HTR2C: variants seen among roughly 807,000 people sequenced by gnomAD.
The protein encoded by HTR2C is 5-hydroxytryptamine (serotonin) receptor 2C, G protein-coupled.
A neutral mutation model predicts 21.0 loss-of-function variants in HTR2C; 5 were observed. That is an observed-to-expected ratio of 0.24 (90% CI 0.12 to 0.50). The LOEUF (loss-of-function observed/expected upper bound fraction) is 0.50, where lower values mean the gene tolerates loss of function less well. Ranked by LOEUF, HTR2C falls within the 20% of genes least tolerant of loss-of-function variation. The probability of loss-of-function intolerance (pLI) is 0.98; values close to 1 mark genes in which losing one functional copy is unlikely to be tolerated. For missense variants in HTR2C, 271 were observed against 371.2 expected (o/e 0.73, Z 2.22); for synonymous variants, 150 against 145.3 (o/e 1.03, Z -0.23).
Position 114,907,446 on chromosome X carries a change from C to A in HTR2C, c.*31C>A. On this transcript the variant is annotated 3_prime_UTR_variant, in exon 6 of 6. Coordinates refer to ENST00000276198, the MANE Select transcript of HTR2C (RefSeq NM_000868.4). ...AACAGCACAGTCTTTTCCTACGGTA[C>A]AAGCTACATATGTAGGAAAATTTTC... 1.9e-6 allele frequency: 2 copies of A among 1,051,226 alleles called. No homozygotes were observed. The highest frequency in any genetic ancestry group is 2.6e-6 in the Non-Finnish European group (2 of 759,366). The allele number at this position is 1,051,226 out of a possible 1,213,427, so 86.6% of individuals were successfully genotyped here.
intron 4 of HTR2C, among the ~76,000 whole-genome samples, chrX:114,832,874 A>G (rs2070742660): frequency 3.7e-5 from 1 of 26,728 alleles, no homozygotes; most frequent in Non-Finnish European, 9.1e-5. Context: ...AATACGTCCC[A>G]TCAATACCTA....
intron 4 of HTR2C, among the ~76,000 whole-genome samples, chrX:114,802,490 A>T (rs781924717): frequency 2.7e-5 from 3 of 111,088 alleles, no homozygotes; most frequent in Non-Finnish European, 5.7e-5. Flanking sequence ...AGAGTTTTAC[A>T]ATTTTTTCTC....
At chrX:114,794,036 A>G (rs1556444411) in intron 4 of HTR2C, among the ~76,000 whole-genome samples, 1 of 111,544 alleles carries the variant, frequency 9.0e-6, no homozygotes, top group East Asian at 2.8e-4. Context: ...TCACTTGATC[A>G]TGATCAGTGA....
At chrX:114,727,679 T>G (rs2069496589) in intron 3 of HTR2C, among the ~76,000 whole-genome samples, 1 of 112,004 alleles carries the variant, frequency 8.9e-6, no homozygotes, top group South Asian at 3.7e-4. Flanking sequence ...CCAAATCTCC[T>G]TGCTCCTAGG....
At chrX:114,690,131 C>A (rs1932062914) in intron 2 of HTR2C, among the ~76,000 whole-genome samples, 1 of 111,374 alleles carries the variant, frequency 9.0e-6, no homozygotes, top group South Asian at 3.7e-4. Context: ...TTTTGGTCAA[C>A]ACATCTGAGC....
At chrX:114,723,718 T>G (rs193083781) in intron 2 of HTR2C, among the ~76,000 whole-genome samples, 151 of 111,122 alleles carry the variant, frequency 1.4e-3, no homozygotes, top group African/African-American at 4.7e-3. Context: ...ATGTTGTGTC[T>G]TTGCTCTCAT....
chrX:114,747,874 C>A (rs1423144573), intron 4 of HTR2C, among the ~76,000 whole-genome samples: 2 of 112,024 alleles, frequency 1.8e-5, no homozygotes, highest in African/African-American at 3.2e-5. Flanking sequence ...TCCAGATGAG[C>A]CTTAAGGTGG....
chrX:114,624,672 CA>C (rs782545582), intron 2 of HTR2C, among the ~76,000 whole-genome samples: 1 of 110,283 alleles, frequency 9.1e-6, no homozygotes, highest in African/African-American at 3.3e-5. Context: ...CCTCTGATTC[CA>C]AAAGGAAAAA....
intron 5 of HTR2C, among the ~76,000 whole-genome samples, chrX:114,869,983 G>A (rs1602897742): frequency 1.8e-5 from 2 of 111,798 alleles, no homozygotes; most frequent in East Asian, 2.8e-4. Flanking sequence ...TGCATATGTT[G>A]AACCATCCTT....
At chrX:114,588,483 G>A (rs781786202) in intron 1 of HTR2C, among the ~76,000 whole-genome samples, 6 of 111,780 alleles carry the variant, frequency 5.4e-5, no homozygotes, top group South Asian at 3.8e-4. Context: ...TTGAATTAGC[G>A]TTAATGGCAA....
intron 2 of HTR2C, among the ~76,000 whole-genome samples, chrX:114,699,707 G>C (rs1932398606): frequency 8.9e-6 from 1 of 111,959 alleles, no homozygotes; most frequent in Non-Finnish European, 1.9e-5. Context: ...CACTTCAATG[G>C]AAAGCAACCA....
intron 4 of HTR2C, among the ~76,000 whole-genome samples, chrX:114,739,225 A>C (rs782528850): frequency 2.7e-3 from 297 of 111,439 alleles, no homozygotes; most frequent in Non-Finnish European, 3.5e-3. Context: ...TTGTCCTAAG[A>C]TCAGGAAAAA....
chrX:114,591,989 C>G (rs1223257621), intron 1 of HTR2C, among the ~76,000 whole-genome samples: 2 of 111,792 alleles, frequency 1.8e-5, no homozygotes, highest in Non-Finnish European at 3.8e-5. Flanking sequence ...TAACTCAGGC[C>G]TCAGTTTCCA....
At chrX:114,681,469 G>A (rs1219143885) in intron 2 of HTR2C, among the ~76,000 whole-genome samples, 2 of 110,524 alleles carry the variant, frequency 1.8e-5, no homozygotes, top group Non-Finnish European at 3.8e-5. Flanking sequence ...TCAAGAGAAC[G>A]ACTTATCCTA....
intron 4 of HTR2C, among the ~76,000 whole-genome samples, chrX:114,809,308 C>G (rs1384116256): frequency 9.1e-6 from 1 of 110,360 alleles, no homozygotes; most frequent in Non-Finnish European, 1.9e-5. Context: ...TACTGCCTGG[C>G]TACCCCTAGC....
intron 1 of HTR2C, among the ~76,000 whole-genome samples, chrX:114,609,002 T>C (rs782725849): frequency 8.9e-6 from 1 of 112,095 alleles, no homozygotes; most frequent in Non-Finnish European, 1.9e-5. Flanking sequence ...AAGACACGTC[T>C]TTAAAATTAC....
intron 4 of HTR2C, among the ~76,000 whole-genome samples, chrX:114,760,900 A>G (rs1322614841): frequency 1.8e-5 from 2 of 111,139 alleles, no homozygotes; most frequent in Admixed American, 9.6e-5. Flanking sequence ...CTTCAACCAA[A>G]CTAGACATAC....
rs185346516 is a variant in HTR2C, at chrX:114,750,405, T to C, written c.349+18798T>C. 5.3e-4 allele frequency among the ~76,000 whole-genome samples: 59 copies of C among 112,187 alleles called. 1 individual carries two copies. Among genetic ancestry groups the C allele is most frequent in the African/African-American group, 1.8e-3 (56 of 30,933 alleles). On this transcript the variant is annotated intron_variant, in intron 4 of 5. Transcript: ENST00000276198. Reference sequence around the variant, plus strand: ...GAAGAAATTAGATATATATCTCTAATCTTTGTAAATAAATCAGTTACATAA... The same window carrying C: ...GAAGAAATTAGATATATATCTCTAACCTTTGTAAATAAATCAGTTACATAA...
At chrX:114,781,357 G>T (rs1556440567) in intron 4 of HTR2C, among the ~76,000 whole-genome samples, 1 of 110,873 alleles carries the variant, frequency 9.0e-6, no homozygotes, top group Non-Finnish European at 1.9e-5. Flanking sequence ...TTAGCCTGGT[G>T]TGGTGGTGTG....
Sources: allele counts gnomAD v4.1 joint callset (sites outside exome capture counted in the v4.1 genomes callset), GRCh38; gene constraint gnomAD v4.1.1; transcripts MANE v1.5; gene names NCBI Gene and HGNC (gene_info 2026-07-23, HGNC 2026-07-21).